The following PROM1 variants were observed in gnomAD, a reference collection of about 807,000 sequenced individuals.
PROM1 encodes the protein prominin 1, also known as prominin-1.
In PROM1, 105 loss-of-function variants were observed where a neutral mutation model predicts 116.9. The ratio of observed to expected loss-of-function variants is 0.90; its 90% confidence interval spans 0.77 to 1.06. PROM1 has a LOEUF of 1.06. Ranked by LOEUF, PROM1 falls within the 50% of genes least tolerant of loss-of-function variation. PROM1 has a pLI of 0.00. For missense variants in PROM1, 1,122 were observed against 1,045.2 expected, an observed-to-expected ratio of 1.07 and a Z score of -1.01; for synonymous variants, 393 against 387.0, an observed-to-expected ratio of 1.02 and a Z score of -0.18.
In PROM1 at chr4:15,981,352, C is replaced by T. The variant is rs569465456; in HGVS notation, c.2374-815G>A. 1.5e-4 allele frequency among the ~76,000 whole-genome samples: 23 copies of T among 151,560 alleles called. 2 individuals are homozygous for T. The South Asian group carries it at 4.4e-3, about 29-fold the overall frequency. ...TTGGGAGGCCGAGGCAGGCGGATCA[C>T]GAGGTTAGGAGGTCGAGACCATTCT... On this transcript the variant is annotated intron_variant, in intron 23 of 27. Coordinates refer to ENST00000447510, the MANE Select transcript of PROM1 (RefSeq NM_006017.3).
At chr4:16,067,317 G>A (rs1482412479) in intron 2 of PROM1, among the ~76,000 whole-genome samples, 2 of 152,214 alleles carry the variant, frequency 1.3e-5, no homozygotes, top group African/African-American at 4.8e-5. Context: ...CGAAAGAAAA[G>A]TGGCAATTAT....
chr4:15,983,430 C>T (rs10488967), intron 23 of PROM1, among the ~76,000 whole-genome samples: 34,979 of 151,956 alleles, frequency 0.23, 4,895 homozygotes, highest in Non-Finnish European at 0.31. Flanking sequence ...AATTTTCATT[C>T]AGAGTTGATG....
rs1727402707 is a variant in PROM1, at chr4:16,013,322, T to C, written c.1094A>G (p.Asn365Ser). ...GLVQQGYQSLNDIPDRVQRQT... is the reference protein window; with the variant it reads ...GLVQQGYQSLSDIPDRVQRQT... ...GCGTTGTACTCTGTCAGGTATATCA[T>C]TAAGGGATTGATAGCCCTGAAAAAT... The change falls in exon 11 of 28, where the codon AAT becomes AGT. Residue 365 changes from asparagine to serine, a missense_variant. Physicochemically the swap from Asn to Ser is conservative, Grantham distance 46. Coordinates refer to ENST00000447510, the MANE Select transcript of PROM1 (RefSeq NM_006017.3). The C allele has an allele frequency of 4.4e-6, 7 of 1,605,148 alleles. No individual in the cohort carries two copies. Among genetic ancestry groups the C allele is most frequent in the South Asian group, 1.1e-5 (1 of 90,868 alleles).
At chr4:16,055,017 T>C (rs893946436) in intron 2 of PROM1, among the ~76,000 whole-genome samples, 13 of 152,240 alleles carry the variant, frequency 8.5e-5, no homozygotes, top group African/African-American at 2.7e-4. Context: ...TACATTTGTC[T>C]ACTCTGCTAG....
intron 20 of PROM1, among the ~76,000 whole-genome samples, chr4:15,987,428 C>T (rs141653697): frequency 3.3e-4 from 50 of 152,302 alleles, no homozygotes; most frequent in African/African-American, 8.9e-4. Flanking sequence ...GCATCCTACA[C>T]ATCAAAACAT....
chr4:16,082,066 C>T (rs1745148703), intron 1 of PROM1: 1 of 152,158 alleles, frequency 6.6e-6, no homozygotes, highest in South Asian at 2.1e-4. Context: ...GAGGATTTCG[C>T]ATAGGGTTCG....
chr4:15,994,685 T>C (rs1221190449), intron 15 of PROM1, among the ~76,000 whole-genome samples: 1 of 152,150 alleles, frequency 6.6e-6, no homozygotes, highest in African/African-American at 2.4e-5. Flanking sequence ...AAAATTTGAC[T>C]TTTTTAGACT....
At chr4:16,017,442 A>T (rs986952873) in intron 9 of PROM1, among the ~76,000 whole-genome samples, 3 of 152,264 alleles carry the variant, frequency 2.0e-5, no homozygotes, top group African/African-American at 7.2e-5. Flanking sequence ...CCAGACACAG[A>T]TGTCGCAGGT....
At chr4:16,068,275 G>T (rs886433121) in intron 2 of PROM1, among the ~76,000 whole-genome samples, 7 of 152,200 alleles carry the variant, frequency 4.6e-5, no homozygotes, top group African/African-American at 1.4e-4. Flanking sequence ...GGCCCCAACA[G>T]AGCAGAATAA....
At chr4:15,972,870 A>G (rs2148983796) in intron 26 of PROM1, among the ~76,000 whole-genome samples, 2 of 152,330 alleles carry the variant, frequency 1.3e-5, no homozygotes, top group South Asian at 2.1e-4. Context: ...TCCAGATTTC[A>G]ATCAACACAA....
intron 2 of PROM1, among the ~76,000 whole-genome samples, chr4:16,062,376 G>T (rs1345351174): frequency 6.6e-6 from 1 of 152,046 alleles, no homozygotes; most frequent in Non-Finnish European, 1.5e-5. Context: ...CATAACATTG[G>T]GTTTGCTCCC....
chr4:15,989,157 AAT>A (rs1162778103), intron 19 of PROM1, among the ~76,000 whole-genome samples: 35 of 152,212 alleles, frequency 2.3e-4, no homozygotes, highest in African/African-American at 8.2e-4. Flanking sequence ...GAGAAGCTAC[AAT>A]AGTTTGGAGA....
At chr4:16,076,549 G>A (rs1324929856) in intron 1 of PROM1, 1 of 152,476 alleles carries the variant, frequency 6.6e-6, no homozygotes, top group Non-Finnish European at 1.5e-5. Context: ...ACTTGCCCAA[G>A]GTCACAGGTG....
chr4:16,055,717 A>G (rs539952395), intron 2 of PROM1, among the ~76,000 whole-genome samples: 4 of 152,344 alleles, frequency 2.6e-5, no homozygotes, highest in Admixed American at 1.3e-4. Context: ...TGAGAAATAT[A>G]TATTTTTAAA....
intron 8 of PROM1, among the ~76,000 whole-genome samples, chr4:16,021,234 G>T (rs1179760599): frequency 2.6e-5 from 4 of 151,808 alleles, no homozygotes; most frequent in African/African-American, 9.7e-5. Flanking sequence ...TAACACACGA[G>T]GCACTGAAGA....
At chr4:16,022,378 G>A (rs1490774308) in intron 8 of PROM1, among the ~76,000 whole-genome samples, 1 of 152,190 alleles carries the variant, frequency 6.6e-6, no homozygotes, top group Non-Finnish European at 1.5e-5. Flanking sequence ...TGTCGAGAAT[G>A]TTGTTGTTGG....
At chr4:16,018,603 G>T in intron 8 of PROM1, 63 bp from the exon 9 acceptor site, 1 of 1,438,258 alleles carries the variant, frequency 7.0e-7, no homozygotes, top group Non-Finnish European at 9.6e-7. Flanking sequence ...ACAAAAGTGT[G>T]TCTAAAGGGA....
intron 26 of PROM1, among the ~76,000 whole-genome samples, chr4:15,979,115 T>C (rs368835113): frequency 6.6e-6 from 1 of 152,354 alleles, no homozygotes; most frequent in African/African-American, 2.4e-5. Context: ...ATGCAAGGTA[T>C]GCATGCATTT....
rs370736469 is a variant in PROM1, at chr4:15,980,449, C to G, written c.2462G>C (p.Arg821Pro). ...ATCGTACACGTCCTCCGAATCCATT[C>G]GACGATAGTACTTAGCCAGTTTTAC... is the stretch of plus-strand genomic sequence containing the variant. Reference protein sequence around the residue: ...FAVKLAKYYRRMDSEDVYDDV... With the variant: ...FAVKLAKYYRPMDSEDVYDDV... The change falls in exon 24 of 28, where the codon CGA becomes CCA. Residue 821 changes from arginine (R) to proline (P), a missense_variant. Physicochemically the swap from Arg to Pro is moderately radical, Grantham distance 103. Coordinates refer to ENST00000447510, the MANE Select transcript of PROM1 (RefSeq NM_006017.3). 5.8e-6 allele frequency: 9 copies of G among 1,553,458 alleles called. No individual in the cohort carries two copies. Among genetic ancestry groups the G allele is most frequent in the South Asian group, 1.2e-5 (1 of 84,038 alleles).
Sources: allele counts gnomAD v4.1 joint callset (sites outside exome capture counted in the v4.1 genomes callset), GRCh38; gene constraint gnomAD v4.1.1; transcripts MANE v1.5; gene names NCBI Gene and HGNC (gene_info 2026-07-23, HGNC 2026-07-21).